The following DNAI3 variants were observed in gnomAD, a reference collection of about 807,000 sequenced individuals.
The protein encoded by DNAI3 is dynein axonemal intermediate chain 3.
A neutral mutation model predicts 115.5 loss-of-function variants in DNAI3; 83 were observed. The observed-to-expected ratio is 0.72, with a 90% confidence interval of 0.60 to 0.86. The LOEUF (loss-of-function observed/expected upper bound fraction) is 0.86. Ranked by LOEUF, DNAI3 falls within the 40% of genes least tolerant of loss-of-function variation. The pLI is 0.00. For missense variants in DNAI3, 1,004 were observed against 1,075.8 expected (o/e 0.93, Z 0.93); for synonymous variants, 320 against 347.0 (o/e 0.92, Z 0.86).
intron 7 of DNAI3, among the ~76,000 whole-genome samples, chr1:85,087,821 T>C (rs2100574253): frequency 1.3e-5 from 2 of 152,200 alleles, no homozygotes; most frequent in South Asian, 4.1e-4. Flanking sequence ...ACCAGGAGAA[T>C]CAGGGCTCAG....
At chr1:85,113,642 CT>C (rs113700945) in intron 16 of DNAI3, among the ~76,000 whole-genome samples, 35,250 of 149,276 alleles carry the variant, frequency 0.24, 4,850 homozygotes, top group African/African-American at 0.38. Flanking sequence ...GTTTTCCAAC[CT>C]TTTTTTTTTC....
Position 85,131,468 on chromosome 1 carries a change from G to C in DNAI3, c.2532+1356G>C, listed in dbSNP as rs1375995704. Among the ~76,000 whole-genome samples, 3 of 129,880 alleles carry C rather than the reference G, an allele frequency of 2.3e-5. No individual in the cohort carries two copies. In the South Asian group the frequency reaches 7.3e-4, roughly 31 times the overall value. 85.2% of individuals were successfully genotyped at this position (129,880 alleles called of 152,430 possible). A position where few individuals can be genotyped will look rare whatever the true frequency, so the allele number is the denominator to read the frequency against. ...TCAAAAAAAAAAAAAAAAAAATAAA[G>C]CATTAGCATGTGGAAATATTGTAAT... On this transcript the variant is annotated intron_variant, in intron 22 of 22. Transcript: ENST00000294664.
At chr1:85,123,756 G>A (rs1350524494) in intron 18 of DNAI3, among the ~76,000 whole-genome samples, 1 of 152,144 alleles carries the variant, frequency 6.6e-6, no homozygotes, top group Admixed American at 6.5e-5. Flanking sequence ...TAAGCTCCTT[G>A]GGGGCAAAAT....
At chr1:85,101,654 A>G (rs1042483427) in intron 13 of DNAI3, among the ~76,000 whole-genome samples, 18 of 130,608 alleles carry the variant, frequency 1.4e-4, no homozygotes, top group African/African-American at 3.7e-4. Context: ...TGTGAACCGG[A>G]GAGGCGGAGC....
chr1:85,084,833 A>T, intron 6 of DNAI3, 138 bp downstream of exon 6: 1 of 858,882 alleles, frequency 1.2e-6, no homozygotes, highest in Non-Finnish European at 1.6e-6. Flanking sequence ...GCTTTTATAG[A>T]AGAATGGTCA....
Position 85,097,593 on chromosome 1 carries a change from C to T in DNAI3, c.1288C>T (p.His430Tyr). The part of the protein sequence containing the change: ...GQIVMWDITA[H>Y]ADRIENIKAG... ...GATTGTCATGTGGGATATCACCGCACATGCAGATCGCATAGAAAACATTAA... is the reference window on the plus strand; with the variant it reads ...GATTGTCATGTGGGATATCACCGCATATGCAGATCGCATAGAAAACATTAA... Residue 430 changes from histidine (H) to tyrosine (Y), a missense_variant, in exon 12 of 23, where the codon CAT becomes TAT. Around this residue, in one of 3 missense-constraint regions of DNAI3, gnomAD observed 550 missense variants for 568.1 expected, o/e 0.97. Coordinates refer to ENST00000294664, the MANE Select transcript of DNAI3 (RefSeq NM_145172.5). 6.2e-7 allele frequency: 1 copy of T among 1,613,016 alleles called. No individual in the cohort carries two copies. Among genetic ancestry groups the T allele is most frequent in the Non-Finnish European group, 8.5e-7 (1 of 1,179,626 alleles).
intron 1 of DNAI3, among the ~76,000 whole-genome samples, chr1:85,070,585 A>T (rs996998214): frequency 1.3e-5 from 2 of 152,112 alleles, no homozygotes; most frequent in African/African-American, 4.8e-5. Context: ...ATTATAGTTA[A>T]CCATAATCCA....
In DNAI3 at chr1:85,098,509, CT is replaced by C; in HGVS notation, c.1351-18del. The C allele has an allele frequency of 2.5e-6, 4 of 1,604,854 alleles. No homozygotes were observed. Among genetic ancestry groups the C allele is most frequent in the Non-Finnish European group, 3.4e-6 (4 of 1,177,398 alleles). The stretch of plus-strand genomic sequence containing the variant: ...TCAGCCCTCTGAAATTAGCACTTAA[CT>C]TTCTTTTAATATTTTTCAGCCTATG... On this transcript the variant is annotated intron_variant, in intron 12 of 22. Coordinates refer to ENST00000294664, the MANE Select transcript of DNAI3 (RefSeq NM_145172.5).
At chr1:85,121,959 T>A in intron 18 of DNAI3, 145 bp downstream of exon 18, 1 of 740,770 alleles carries the variant, frequency 1.3e-6, no homozygotes, top group Non-Finnish European at 2.2e-6. Flanking sequence ...GTGAAGGCCT[T>A]GAATAAGCAG....
chr1:85,125,906 C>T (rs1656120812), intron 19 of DNAI3, among the ~76,000 whole-genome samples: 1 of 152,148 alleles, frequency 6.6e-6, no homozygotes, highest in South Asian at 2.1e-4. Context: ...AGGCAGACTA[C>T]CCCATGGTAG....
At chr1:85,115,098 A>C (rs769037260) in intron 16 of DNAI3, among the ~76,000 whole-genome samples, 31 of 152,248 alleles carry the variant, frequency 2.0e-4, no homozygotes, top group Non-Finnish European at 3.8e-4. Context: ...TAAATCCCAA[A>C]GCCACAATGT....
intron 8 of DNAI3, among the ~76,000 whole-genome samples, chr1:85,092,026 GA>G (rs890329368): frequency 2.7e-4 from 41 of 152,284 alleles, no homozygotes; most frequent in African/African-American, 9.9e-4. Context: ...GCTTCTACTG[GA>G]AACTGTTTAA....
At chr1:85,075,616 G>A (rs1310672285) in intron 3 of DNAI3, among the ~76,000 whole-genome samples, 2 of 152,088 alleles carry the variant, frequency 1.3e-5, no homozygotes, top group Admixed American at 6.5e-5. Context: ...AAGAAACTGA[G>A]ATCCCTTTTT....
chr1:85,093,819 C>G (rs1557714921), intron 9 of DNAI3, 171 bp downstream of exon 9: 1 of 766,106 alleles, frequency 1.3e-6, no homozygotes, highest in Non-Finnish European at 2.3e-6. Flanking sequence ...TGTGTCCTCC[C>G]AACAACCCTG....
intron 1 of DNAI3, among the ~76,000 whole-genome samples, chr1:85,064,320 C>G (rs1654024804): frequency 6.6e-6 from 1 of 152,012 alleles, no homozygotes; most frequent in South Asian, 2.1e-4. Flanking sequence ...AGCATCTACT[C>G]AAATAAGTGA....
rs765247586 is a variant in DNAI3 at position 85,093,591 on chromosome 1, C to T, written c.991C>T (p.Leu331Phe). The T allele has an allele frequency of 5.0e-6, 8 of 1,614,036 alleles. No individual in the cohort carries two copies. In the African/African-American group the frequency reaches 9.3e-5, roughly 19 times the overall value. Residue 331 changes from leucine to phenylalanine, a missense_variant, in exon 9 of 23, where the codon CTT becomes TTT. Around this residue, in one of 3 missense-constraint regions of DNAI3, gnomAD observed 550 missense variants for 568.1 expected, o/e 0.97. Coordinates refer to ENST00000294664, the MANE Select transcript of DNAI3 (RefSeq NM_145172.5). ...GAAAGAGTACCAGTCCTTTACCGAC[C>T]TTCATAGCCCAACGGAGAAAATGAT... ...HLKEYQSFTDLHSPTEKMITC... is the reference protein window; with the variant it reads ...HLKEYQSFTDFHSPTEKMITC...
chr1:85,132,480 T>C (rs1394950186), intron 22 of DNAI3, among the ~76,000 whole-genome samples: 2 of 152,228 alleles, frequency 1.3e-5, no homozygotes, highest in Non-Finnish European at 2.9e-5. Context: ...ACAGTAGTCA[T>C]TGCCGTGTGA....
chr1:85,117,274 T>G (rs1227914199), intron 16 of DNAI3, among the ~76,000 whole-genome samples: 1 of 152,146 alleles, frequency 6.6e-6, no homozygotes, highest in Non-Finnish European at 1.5e-5. Context: ...ACAAGAAAAG[T>G]CACAATATTT....
At chr1:85,087,694 T>G (rs898935149) in intron 7 of DNAI3, among the ~76,000 whole-genome samples, 5 of 151,900 alleles carry the variant, frequency 3.3e-5, no homozygotes, top group African/African-American at 1.2e-4. Flanking sequence ...GAAAAAAGAA[T>G]GGAGGAGGGA....
Sources: gnomAD v4.1 joint callset for allele counts (sites outside exome capture counted in the v4.1 genomes callset) on GRCh38, gnomAD v4.1.1 for gene constraint, gnomAD v4.1.1 regional missense constraint, MANE v1.5 for transcripts, NCBI Gene and HGNC (gene_info 2026-07-23, HGNC 2026-07-21) for gene names.